ANK1: variants seen among roughly 807,000 people sequenced by gnomAD.
The protein encoded by ANK1 is ankyrin-1.
ANK1 carries 51 observed loss-of-function variants against 210.4 expected under a neutral mutation model. The ratio of observed to expected loss-of-function variants is 0.24; its 90% CI spans 0.19 to 0.31. ANK1 has a LOEUF of 0.31. Ranked by LOEUF, ANK1 falls within the 10% of genes least tolerant of loss-of-function variation. ANK1 has a pLI of 1.00. For synonymous variants in ANK1, 967 were observed against 1,025.9 expected, an observed-to-expected ratio of 0.94 and a Z score of 1.10; for missense variants, 2,051 against 2,504.4, an observed-to-expected ratio of 0.82 and a Z score of 3.86.
intron 1 of ANK1, chr8:41,788,836 C>T (rs759004999): frequency 1.3e-5 from 2 of 152,210 alleles, no homozygotes; most frequent in Non-Finnish European, 2.9e-5. Context: ...CCCCTGTGGA[C>T]TAAAGACCAA....
chr8:41,664,395 C>T lies in ANK1; in HGVS notation c.5395-653G>A, dbSNP rs577525764. 6.0e-4 allele frequency: 221 copies of T among 365,398 alleles called. 2 individuals are homozygous for T. The highest frequency in any genetic ancestry group is 1.1e-3 in the Non-Finnish European group (203 of 188,602). 22.6% of individuals were successfully genotyped at this position (365,398 alleles called of 1,614,324 possible). A position where few individuals can be genotyped will look rare whatever the true frequency, so the allele number is the denominator to read the frequency against. On this transcript the variant is annotated intron_variant, in intron 39 of 42. Coordinates refer to ENST00000289734, the MANE Select transcript of ANK1 (RefSeq NM_000037.4). ...GGCTGAGGCAGGAGGATCACTTGAG[C>T]CCAGGAATTTACAGTAAGCCCAGGT...
In ANK1 at chr8:41,688,580, C is replaced by T. The variant is rs867538635; in HGVS notation, c.4114G>A (p.Ala1372Thr). 2 of 1,614,200 alleles carry T rather than the reference C, an allele frequency of 1.2e-6. No homozygotes were observed. The highest frequency in any genetic ancestry group is 1.7e-5 in the Admixed American group (1 of 60,024). The change falls in exon 34 of 43, where the codon GCC becomes ACC. Residue 1372 changes from alanine (A) to threonine (T), a missense_variant. Coordinates refer to ENST00000289734, the MANE Select transcript of ANK1 (RefSeq NM_000037.4). ...GTCGGGGTCCTTCTCCTATCTTCGG[C>T]TCCACTTCCCTGCAGAAGAAGAAAG... ...TMPPCAKGSG[A>T]EDRRRTPTPL...
At chr8:41,689,658 A>T (rs776886912) in intron 33 of ANK1, among the ~76,000 whole-genome samples, 14 of 152,102 alleles carry the variant, frequency 9.2e-5, no homozygotes, top group African/African-American at 1.2e-4. Context: ...TGACTGGGAT[A>T]CTCTTACAGG....
chr8:41,673,184 T>C lies in ANK1; in HGVS notation c.4538-272A>G, dbSNP rs548188521. ...AGAGATGGGGGAGCGCCCTGCTGGATGGCGAAGAGGAGATTGGACTTTCTT... is the reference window on the plus strand; with the variant it reads ...AGAGATGGGGGAGCGCCCTGCTGGACGGCGAAGAGGAGATTGGACTTTCTT... On this transcript the variant is annotated intron_variant, in intron 37 of 42. Transcript: ENST00000289734. 6.0e-4 allele frequency among the ~76,000 whole-genome samples: 91 copies of C among 152,168 alleles called. 1 individual carries two copies. The highest frequency in any genetic ancestry group is 2.1e-3 in the African/African-American group (87 of 41,564).
chr8:41,662,770 G>T (rs1808893240), intron 40 of ANK1, among the ~76,000 whole-genome samples: 1 of 152,108 alleles, frequency 6.6e-6, no homozygotes, highest in Non-Finnish European at 1.5e-5. Context: ...GGTGATGAGA[G>T]CTGCGCCTAA....
At chr8:41,864,992 G>T (rs770288833) in intron 1 of ANK1, among the ~76,000 whole-genome samples, 1 of 152,176 alleles carries the variant, frequency 6.6e-6, no homozygotes, top group African/African-American at 2.4e-5. Context: ...CCACAAACAC[G>T]GCAACCCCTT....
chr8:41,870,615 G>A (rs1304592984), intron 1 of ANK1, among the ~76,000 whole-genome samples: 1 of 152,228 alleles, frequency 6.6e-6, no homozygotes, highest in East Asian at 1.9e-4. Flanking sequence ...GTCTGAGAAC[G>A]TGTGGCCGGC....
intron 36 of ANK1, among the ~76,000 whole-genome samples, chr8:41,685,773 T>C (rs1440701648): frequency 2.6e-5 from 4 of 152,192 alleles, no homozygotes; most frequent in African/African-American, 9.7e-5. Context: ...TAGTTGGGAC[T>C]ACAGGTGTGT....
chr8:41,752,805 C>CA (rs1048804340), intron 2 of ANK1, among the ~76,000 whole-genome samples: 1 of 151,516 alleles, frequency 6.6e-6, no homozygotes, highest in Non-Finnish European at 1.5e-5. Flanking sequence ...CAGGCCCCCC[C>CA]CCACTGCACC....
intron 10 of ANK1, among the ~76,000 whole-genome samples, chr8:41,719,277 T>C (rs1828588345): frequency 6.6e-6 from 1 of 152,074 alleles, no homozygotes; most frequent in Non-Finnish European, 1.5e-5. Flanking sequence ...ATCTCATTCA[T>C]CCCCAAAGCA....
chr8:41,763,881 C>CTTTTTTGTTTTTTTTTT (rs1841052618), intron 1 of ANK1, among the ~76,000 whole-genome samples: 2 of 72,138 alleles, frequency 2.8e-5, no homozygotes, highest in Non-Finnish European at 5.4e-5. Flanking sequence ...TTCTTTTTTT[C>CTTTTTTGTTTTTTTTTT]TTTTTTTCTT....
In ANK1 at chr8:41,696,438, G is replaced by C. The variant is rs140978700; in HGVS notation, c.2885C>G (p.Pro962Arg). Residue 962 changes from proline (P) to arginine (R), a missense_variant, in exon 26 of 43, where the codon CCG becomes CGG. Around this residue, in one of 6 missense-constraint regions of ANK1, gnomAD observed 1,413 missense variants for 1,707.4 expected, o/e 0.83. Coordinates refer to ENST00000289734, the MANE Select transcript of ANK1 (RefSeq NM_000037.4). ...GCCCTCCTCCTCGGCCAGTGGGGGC[G>C]GCGTGCTGAGCTTCTGGGGCTTGAC... is the stretch of plus-strand genomic sequence containing the variant. ...RLVKPQKLST[P>R]PPLAEEEGLA... 8 of 1,613,280 alleles carry C rather than the reference G, an allele frequency of 5.0e-6. No individual in the cohort carries two copies. In the South Asian group the frequency reaches 7.7e-5, roughly 16 times the overall value.
chr8:41,659,020 A>G (rs1806836971), intron 42 of ANK1, among the ~76,000 whole-genome samples: 2 of 152,266 alleles, frequency 1.3e-5, no homozygotes, highest in Non-Finnish European at 2.9e-5. Context: ...GCCTCTGGCC[A>G]CAATATTTTG....
chr8:41,733,030 G>T (rs185892791), intron 3 of ANK1, among the ~76,000 whole-genome samples: 1 of 152,202 alleles, frequency 6.6e-6, no homozygotes, highest in African/African-American at 2.4e-5. Flanking sequence ...GAGCCACCGC[G>T]CCCAGTCTGT....
chr8:41,696,471 C>T lies in ANK1; in HGVS notation c.2852G>A (p.Cys951Tyr). Residue 951 changes from cysteine to tyrosine, a missense_variant, in exon 26 of 43, where the codon TGC becomes TAC. Cys to Tyr is a radical substitution (Grantham distance 194, BLOSUM62 -2). Transcript: ENST00000289734. ...GAGCTTCTGGGGCTTGACCAGGCGG[C>T]AGGTGATGCGGGTGGGCGCTGCGCA... is the stretch of plus-strand genomic sequence containing the variant. ...RTCAAPTRITCRLVKPQKLST... is the reference protein window; with the variant it reads ...RTCAAPTRITYRLVKPQKLST... 2 of 1,613,410 alleles carry T rather than the reference C, an allele frequency of 1.2e-6. No homozygotes were observed. Among genetic ancestry groups the T allele is most frequent in the Non-Finnish European group, 1.7e-6 (2 of 1,179,964 alleles).
chr8:41,816,002 G>C (rs1226515409), intron 1 of ANK1, among the ~76,000 whole-genome samples: 1 of 152,148 alleles, frequency 6.6e-6, no homozygotes, highest in East Asian at 1.9e-4. Flanking sequence ...CAAAGAGATT[G>C]GGAAACCTTT....
chr8:41,699,124 G>A (rs901495361), intron 23 of ANK1, among the ~76,000 whole-genome samples: 2 of 152,166 alleles, frequency 1.3e-5, no homozygotes, highest in Non-Finnish European at 2.9e-5. Flanking sequence ...TGGATGAGAA[G>A]TTGAGTGTGG....
intron 1 of ANK1, among the ~76,000 whole-genome samples, chr8:41,776,605 G>A (rs1258836980): frequency 6.6e-6 from 1 of 152,146 alleles, no homozygotes; most frequent in Non-Finnish European, 1.5e-5. Flanking sequence ...ACCCTCTGCT[G>A]TGAAACCCAC....
chr8:41,835,017 C>T (rs897056052), intron 1 of ANK1, among the ~76,000 whole-genome samples: 4 of 152,262 alleles, frequency 2.6e-5, no homozygotes, highest in African/African-American at 9.6e-5. Context: ...AAGGACCTCA[C>T]GAGGCTTCCC....
Sources: allele counts gnomAD v4.1 joint callset (sites outside exome capture counted in the v4.1 genomes callset), GRCh38; gene constraint gnomAD v4.1.1; regional missense constraint gnomAD v4.1.1; transcripts MANE v1.5; gene names NCBI Gene and HGNC (gene_info 2026-07-23, HGNC 2026-07-21).